YTHDF1: variants seen among roughly 807,000 people sequenced by gnomAD.
The protein encoded by YTHDF1 is YTH N6-methyladenosine RNA binding protein F1, also known as YTH domain-containing family protein 1.
YTHDF1 carries 16 observed loss-of-function variants against 49.1 expected under a neutral mutation model. The ratio of observed to expected loss-of-function variants is 0.33; its 90% CI spans 0.22 to 0.49. YTHDF1 has a LOEUF of 0.49. Among genes scored for constraint, YTHDF1 ranks in the 20% least tolerant of loss-of-function variants. The probability of loss-of-function intolerance (pLI) is 0.99; values close to 1 mark genes in which losing one functional copy is unlikely to be tolerated. For missense variants in YTHDF1, 621 were observed against 744.3 expected (o/e 0.83, Z 1.93); for synonymous variants, 313 against 290.1 (o/e 1.08, Z -0.80).
chr20:63,202,262 A>G, intron 4 of YTHDF1, 25 bp downstream of exon 4: 1 of 1,598,864 alleles, frequency 6.3e-7, no homozygotes, highest in Non-Finnish European at 8.5e-7. Context: ...TCTGCATGGC[A>G]GTTGCCTGCA....
intron 3 of YTHDF1, among the ~76,000 whole-genome samples, chr20:63,204,386 T>C (rs2066534720): frequency 6.6e-6 from 1 of 152,268 alleles, no homozygotes; most frequent in South Asian, 2.1e-4. Flanking sequence ...TCTCCCAGAA[T>C]CCTTCAAGGG....
chr20:63,210,173 T>C (rs1174655191), intron 3 of YTHDF1, among the ~76,000 whole-genome samples: 1 of 152,112 alleles, frequency 6.6e-6, no homozygotes, highest in Middle Eastern at 3.2e-3. Context: ...TTCAGCACCA[T>C]CATAGTCTTA....
intron 2 of YTHDF1, chr20:63,214,242 T>A (rs1188991002): frequency 1.9e-6 from 1 of 516,170 alleles, no homozygotes; most frequent in African/African-American, 2.1e-5. Flanking sequence ...AAAACTGACA[T>A]GGTCTAAGAA....
At chr20:63,198,331 G>C (rs1222843623) in intron 4 of YTHDF1, among the ~76,000 whole-genome samples, 1 of 151,726 alleles carries the variant, frequency 6.6e-6, no homozygotes, top group Non-Finnish European at 1.5e-5. Flanking sequence ...TGTAATCCCA[G>C]CCACTCTGAA....
In YTHDF1 at chr20:63,200,029, G is replaced by A. The variant is rs143547068; in HGVS notation, c.1653+2258C>T. Reference sequence around the variant, plus strand: ...TGATTAAGTCACTGCACTCCAGCCCGGCAGACGGAGAAAGACCTGTCTCAA... The same window carrying A: ...TGATTAAGTCACTGCACTCCAGCCCAGCAGACGGAGAAAGACCTGTCTCAA... On this transcript the variant is annotated intron_variant, in intron 4 of 4. Transcript: ENST00000370339. 1.9e-3 allele frequency among the ~76,000 whole-genome samples: 290 copies of A among 152,172 alleles called. 3 individuals are homozygous for A. Among genetic ancestry groups the A allele is most frequent in the African/African-American group, 6.6e-3 (274 of 41,514 alleles).
At chr20:63,198,196 G>A (rs932829771) in intron 4 of YTHDF1, among the ~76,000 whole-genome samples, 2 of 151,938 alleles carry the variant, frequency 1.3e-5, no homozygotes, top group Non-Finnish European at 2.9e-5. Flanking sequence ...ACTTTGGGAG[G>A]CCAAGGTGGG....
intron 3 of YTHDF1, among the ~76,000 whole-genome samples, chr20:63,204,375 C>T (rs1314342643): frequency 6.6e-6 from 1 of 152,234 alleles, no homozygotes; most frequent in East Asian, 1.9e-4. Context: ...TGGACCAAAG[C>T]TCTCCCAGAA....
Position 63,195,890 on chromosome 20 carries a change from T to C in YTHDF1, c.*818A>G, listed in dbSNP as rs1424698013. The C allele has an allele frequency of 2.0e-5, 3 of 152,212 alleles. No homozygotes were observed. The highest frequency in any genetic ancestry group is 4.4e-5 in the Non-Finnish European group (3 of 68,042). 9.4% of individuals were successfully genotyped at this position (152,212 alleles called of 1,614,324 possible). ...CTGTCTGTACTACCAGATCCTACACTTAAAGCTCAGCATTATTGGTATAAA... is the reference window on the plus strand; with the variant it reads ...CTGTCTGTACTACCAGATCCTACACCTAAAGCTCAGCATTATTGGTATAAA... On this transcript the variant is annotated 3_prime_UTR_variant, in exon 5 of 5. Transcript: ENST00000370339.
intron 4 of YTHDF1, among the ~76,000 whole-genome samples, chr20:63,197,239 T>C (rs2066496325): frequency 6.6e-6 from 1 of 152,184 alleles, no homozygotes; most frequent in African/African-American, 2.4e-5. Flanking sequence ...CTGTGTCATG[T>C]GGCTAATGAA....
At chr20:63,213,650 G>A (rs915469482) in intron 3 of YTHDF1, among the ~76,000 whole-genome samples, 1 of 152,132 alleles carries the variant, frequency 6.6e-6, no homozygotes, top group African/African-American at 2.4e-5. Context: ...CAGCCCCAGT[G>A]GGATGCCGCC....
chr20:63,213,496 C>A (rs1051869657), intron 3 of YTHDF1, among the ~76,000 whole-genome samples: 31 of 152,322 alleles, frequency 2.0e-4, no homozygotes, highest in African/African-American at 7.0e-4. Flanking sequence ...CAGCTCTTAG[C>A]TGCCTCCCCA....
intron 3 of YTHDF1, among the ~76,000 whole-genome samples, chr20:63,212,715 G>C (rs1004296511): frequency 2.0e-5 from 3 of 152,196 alleles, no homozygotes; most frequent in Admixed American, 6.5e-5. Context: ...AGAGGAGAGA[G>C]AGCAGCTCCC....
chr20:63,200,894 TA>T lies in YTHDF1; in HGVS notation c.1653+1392del, dbSNP rs567414036. 1.9e-3 allele frequency among the ~76,000 whole-genome samples: 285 copies of T among 152,184 alleles called. 3 individuals carry two copies. The highest frequency in any genetic ancestry group is 6.5e-3 in the African/African-American group (269 of 41,504). The stretch of plus-strand genomic sequence containing the variant: ...AGCAATTCAGTATTCATTTTATACC[TA>T]AAAGTCTGTAATCCGAGCTATTGTC... On this transcript the variant is annotated intron_variant, in intron 4 of 4. Coordinates refer to ENST00000370339, the MANE Select transcript of YTHDF1 (RefSeq NM_017798.4).
intron 3 of YTHDF1, among the ~76,000 whole-genome samples, chr20:63,210,975 G>A (rs1015950807): frequency 2.0e-5 from 3 of 152,144 alleles, no homozygotes; most frequent in Non-Finnish European, 4.4e-5. Flanking sequence ...ACAGCAAGGC[G>A]GGTGAGGCCT....
intron 3 of YTHDF1, among the ~76,000 whole-genome samples, chr20:63,206,693 T>C (rs1601236763): frequency 6.6e-6 from 1 of 152,178 alleles, no homozygotes; most frequent in African/African-American, 2.4e-5. Context: ...TGACCTGGGG[T>C]TCTGTGGGCC....
At chr20:63,204,185 G>A (rs966982409) in intron 3 of YTHDF1, among the ~76,000 whole-genome samples, 2 of 152,186 alleles carry the variant, frequency 1.3e-5, no homozygotes, top group African/African-American at 2.4e-5. Flanking sequence ...AGACACGGAC[G>A]GCATCATGGG....
Position 63,215,881 on chromosome 20 carries a change from G to T in YTHDF1, c.12C>A (p.Thr4=). ...GCCCCGCTACCTGGGTGTCCACGCT[G>T]GTGGCCGACATGCTTCATGAACAAC... The part of the protein sequence containing the change: MSA[T]SVDTQRTKGQ... Residue 4 remains threonine, a synonymous_variant, in exon 1 of 5, where the codon ACC becomes ACA. Coordinates refer to ENST00000370339, the MANE Select transcript of YTHDF1 (RefSeq NM_017798.4). 6.9e-7 allele frequency: 1 copy of T among 1,449,366 alleles called. No individual in the cohort carries two copies. Among genetic ancestry groups the T allele is most frequent in the Non-Finnish European group, 9.1e-7 (1 of 1,100,660 alleles). 89.8% of individuals were successfully genotyped at this position (1,449,366 alleles called of 1,614,324 possible). A position where few individuals can be genotyped will look rare whatever the true frequency, so the allele number is the denominator to read the frequency against.
intron 3 of YTHDF1, among the ~76,000 whole-genome samples, chr20:63,208,002 A>C (rs2066556267): frequency 1.3e-5 from 2 of 152,068 alleles, no homozygotes; most frequent in Admixed American, 1.3e-4. Flanking sequence ...AAAAAAAAAA[A>C]ACAAAAACAA....
chr20:63,214,228 G>T, intron 2 of YTHDF1: 1 of 601,700 alleles, frequency 1.7e-6, no homozygotes, highest in Non-Finnish European at 2.1e-6. Flanking sequence ...ACATAACCAG[G>T]GTGAAAACTG....
Sources: gnomAD v4.1 joint callset for allele counts (sites outside exome capture counted in the v4.1 genomes callset) on GRCh38, gnomAD v4.1.1 for gene constraint, MANE v1.5 for transcripts, NCBI Gene and HGNC (gene_info 2026-07-23, HGNC 2026-07-21) for gene names.